Variants in OPHN1 observed in about 807,000 individuals in gnomAD.
OPHN1 encodes the protein oligophrenin-1.
In OPHN1, 11 loss-of-function variants were observed where a neutral mutation model predicts 60.7. That is an observed-to-expected ratio of 0.18 (90% confidence interval 0.11 to 0.30). OPHN1 has a LOEUF of 0.30. Ranked by LOEUF, OPHN1 falls within the 10% of genes least tolerant of loss-of-function variation. The probability of loss-of-function intolerance (pLI) is 1.00; values close to 1 mark genes in which losing one functional copy is unlikely to be tolerated. For missense variants in OPHN1, 449 were observed against 611.0 expected, an observed-to-expected ratio of 0.73 and a Z score of 2.80; for synonymous variants, 226 against 222.6, an observed-to-expected ratio of 1.02 and a Z score of -0.14.
At chrX:68,185,136 A>G (rs1040182161) in intron 15 of OPHN1, among the ~76,000 whole-genome samples, 3 of 112,385 alleles carry the variant, frequency 2.7e-5, no homozygotes, top group Non-Finnish European at 5.6e-5. Context: ...TATTATCGTT[A>G]TTTGCAAATA....
chrX:68,175,032 C>T (rs984139076), intron 15 of OPHN1, among the ~76,000 whole-genome samples: 2 of 108,587 alleles, frequency 1.8e-5, no homozygotes, highest in African/African-American at 6.7e-5. Flanking sequence ...TGCAGTGAGC[C>T]GAGGTCGCAC....
intron 2 of OPHN1, among the ~76,000 whole-genome samples, chrX:68,333,673 A>G (rs66608614): frequency 0.086 from 9,009 of 104,860 alleles, 915 homozygotes; most frequent in African/African-American, 0.32. Context: ...GCGTGCGTGC[A>G]CACACACACA....
intron 5 of OPHN1, among the ~76,000 whole-genome samples, chrX:68,239,936 A>C (rs765237028): frequency 2.5e-4 from 28 of 110,682 alleles, no homozygotes; most frequent in Middle Eastern, 4.7e-3. Flanking sequence ...CAGCCTCCCA[A>C]GTAGCTGGAA....
intron 18 of OPHN1, among the ~76,000 whole-genome samples, chrX:68,101,606 C>T (rs761446375): frequency 2.7e-5 from 3 of 111,839 alleles, no homozygotes; most frequent in African/African-American, 9.7e-5. Context: ...CAGAGGGGCT[C>T]CTGTAAGTTT....
intron 5 of OPHN1, among the ~76,000 whole-genome samples, chrX:68,268,920 A>G (rs1359605425): frequency 9.0e-6 from 1 of 111,626 alleles, no homozygotes; most frequent in Non-Finnish European, 1.9e-5. Context: ...AATGTGCAAA[A>G]ATCATAAGCA....
chrX:68,056,626 T>C (rs2076874244), intron 21 of OPHN1, among the ~76,000 whole-genome samples: 1 of 111,489 alleles, frequency 9.0e-6, no homozygotes, highest in Non-Finnish European at 1.9e-5. Flanking sequence ...ATAATCCAAT[T>C]CTTCTAATAT....
chrX:68,428,894 G>A (rs1027159629), intron 2 of OPHN1, among the ~76,000 whole-genome samples: 1 of 112,295 alleles, frequency 8.9e-6, no homozygotes, highest in African/African-American at 3.2e-5. Flanking sequence ...ATTATGAAGA[G>A]ATCACATTTA....
At position 68,166,452 on chromosome X, in the gene OPHN1, T is replaced by G. The variant is rs750005547; in HGVS notation, c.1276+26467A>C. ...GGGAGGCTGAGGCAGAAGAATCGCT[T>G]GAACCTGGGAGGCAGAGGTTGCAGT... On this transcript the variant is annotated intron_variant, in intron 15 of 24. Coordinates refer to ENST00000355520, the MANE Select transcript of OPHN1 (RefSeq NM_002547.3). 1.1e-3 allele frequency among the ~76,000 whole-genome samples: 119 copies of G among 111,526 alleles called. 1 individual carries two copies. The highest frequency in any genetic ancestry group is 1.9e-3 in the South Asian group (5 of 2,613).
chrX:68,105,838 G>A (rs2077079134), intron 18 of OPHN1, among the ~76,000 whole-genome samples: 1 of 110,240 alleles, frequency 9.1e-6, no homozygotes, highest in Admixed American at 9.7e-5. Context: ...CACTGTGCTA[G>A]ATTAAAAACA....
chrX:68,235,963 C>T (rs1212269488), intron 5 of OPHN1, among the ~76,000 whole-genome samples: 1 of 109,926 alleles, frequency 9.1e-6, no homozygotes, highest in Non-Finnish European at 1.9e-5. Flanking sequence ...CCAAGGCCTA[C>T]ATCAGGCCAG....
At chrX:68,341,006 G>GAAA (rs369219130) in intron 2 of OPHN1, among the ~76,000 whole-genome samples, 1 of 41,807 alleles carries the variant, frequency 2.4e-5, no homozygotes, top group Non-Finnish European at 4.7e-5. Context: ...GTCTCAAAAA[G>GAAA]AAAAAAAAAA....
chrX:68,317,535 GA>G lies in OPHN1; in HGVS notation c.155-18440del, dbSNP rs1227648485. Among the ~76,000 whole-genome samples the G allele has an allele frequency of 3.7e-3, 132 of 35,824 alleles. 1 individual carries two copies. Among genetic ancestry groups the G allele is most frequent in the Non-Finnish European group, 5.2e-3 (109 of 21,138 alleles). 31.1% of individuals were successfully genotyped at this position (35,824 alleles called of 115,157 possible). On this transcript the variant is annotated intron_variant, in intron 2 of 24. Transcript: ENST00000355520. ...AGAGAGAGAGAAAGAAAGAAAGAAA[GA>G]AAAAAAGAAAGAAAGAAAGAAAGAA...
intron 5 of OPHN1, among the ~76,000 whole-genome samples, chrX:68,274,497 T>A (rs1715184019): frequency 9.0e-6 from 1 of 111,627 alleles, no homozygotes; most frequent in South Asian, 3.8e-4. Context: ...CATTTTCTCA[T>A]AGAAACTAAT....
intron 2 of OPHN1, among the ~76,000 whole-genome samples, chrX:68,363,623 T>A (rs796352867): frequency 2.7e-5 from 3 of 111,602 alleles, no homozygotes; most frequent in Non-Finnish European, 5.6e-5. Flanking sequence ...TTAACTTTTT[T>A]AAAAAAGACA....
At chrX:68,183,048 G>A (rs949917929) in intron 15 of OPHN1, among the ~76,000 whole-genome samples, 1 of 111,966 alleles carries the variant, frequency 8.9e-6, no homozygotes, top group Admixed American at 9.5e-5. Flanking sequence ...ATTTCAGAGG[G>A]ACATGGAAAA....
At position 68,049,127 on chromosome X, in the gene OPHN1, T is replaced by C. The variant is rs138502156; in HGVS notation, c.2376-670A>G. Among the ~76,000 whole-genome samples, 30 of 111,547 alleles carry C rather than the reference T, an allele frequency of 2.7e-4. No individual in the cohort carries two copies. In the East Asian group the frequency reaches 8.5e-3, roughly 32 times the overall value. ...AGGCTACTATTCACATTGTAGCATA[T>C]GTGACTAGCCCCACTCCCCAGACTT... On this transcript the variant is annotated intron_variant, in intron 23 of 24. Transcript: ENST00000355520.
intron 6 of OPHN1, among the ~76,000 whole-genome samples, chrX:68,227,745 CAGTT>C (rs1039123215): frequency 9.0e-5 from 10 of 111,036 alleles, no homozygotes; most frequent in Non-Finnish European, 1.5e-4. Flanking sequence ...CTCTGGGACA[CAGTT>C]AGAGCAGTGT....
At chrX:68,065,441 G>A (rs1348634057) in intron 20 of OPHN1, among the ~76,000 whole-genome samples, 1 of 111,607 alleles carries the variant, frequency 9.0e-6, no homozygotes, top group Non-Finnish European at 1.9e-5. Flanking sequence ...AACGGGTAGG[G>A]GTATAGATGA....
chrX:68,356,202 A>T (rs1293033025), intron 2 of OPHN1, among the ~76,000 whole-genome samples: 2 of 111,306 alleles, frequency 1.8e-5, no homozygotes, highest in Non-Finnish European at 3.8e-5. Flanking sequence ...TGAGTAAAAC[A>T]GATTGCTCTC....
Sources: allele counts gnomAD v4.1 joint callset (sites outside exome capture counted in the v4.1 genomes callset), GRCh38; gene constraint gnomAD v4.1.1; transcripts MANE v1.5; gene names NCBI Gene and HGNC (gene_info 2026-07-23, HGNC 2026-07-21).